CREB3L3: variants seen among roughly 807,000 people sequenced by gnomAD.
CREB3L3 encodes the protein cAMP responsive element binding protein 3 like 3.
In CREB3L3, 40 loss-of-function variants were observed where a neutral mutation model predicts 44.6. The observed-to-expected ratio is 0.90, with a 90% CI of 0.70 to 1.17. The LOEUF is 1.17. Among genes scored for constraint, CREB3L3 ranks in the 50% most tolerant of loss-of-function variants. The probability of loss-of-function intolerance (pLI) is 0.00; values close to 1 mark genes in which losing one functional copy is unlikely to be tolerated. For missense variants in CREB3L3, 578 were observed against 595.8 expected (o/e 0.97, Z 0.31); for synonymous variants, 273 against 256.3 (o/e 1.06, Z -0.62).
At chr19:4,170,640 T>C (rs2145144017) in intron 7 of CREB3L3, among the ~76,000 whole-genome samples, 1 of 150,510 alleles carries the variant, frequency 6.6e-6, no homozygotes, top group East Asian at 2.0e-4. Context: ...CCTGGTGTGG[T>C]GGCTCACGCC....
Position 4,168,381 on chromosome 19 carries a change from C to T in CREB3L3, c.745C>T (p.Arg249Trp), listed in dbSNP as rs763280337. 1.1e-5 allele frequency: 18 copies of T among 1,610,868 alleles called. No homozygotes were observed. The Admixed American group carries it at 1.2e-4, about 10-fold the overall frequency. ...GGAGCGAGTGCTGAAAAAAATCCGCCGGAAAATCCGGAACAAGCAGTCGGC... is the reference window on the plus strand; with the variant it reads ...GGAGCGAGTGCTGAAAAAAATCCGCTGGAAAATCCGGAACAAGCAGTCGGC... ...YEERVLKKIR[R>W]KIRNKQSAQE... is the part of the protein sequence containing the mutation. The change falls in exon 6 of 10, where the codon CGG (arginine) becomes TGG (tryptophan). Residue 249 changes from arginine (R) to tryptophan (W), a missense_variant. Transcript: ENST00000078445.
At chr19:4,162,269 G>T (rs1284694075) in intron 4 of CREB3L3, among the ~76,000 whole-genome samples, 1 of 151,992 alleles carries the variant, frequency 6.6e-6, no homozygotes, top group Non-Finnish European at 1.5e-5. Context: ...GCCTCCCAAA[G>T]TGCTGGGATT....
At position 4,172,332 on chromosome 19, in the gene CREB3L3, C is replaced by A. The variant is rs1270448639; in HGVS notation, c.*363C>A. 4.7e-6 allele frequency: 2 copies of A among 425,972 alleles called. No homozygotes were observed. The highest frequency in any genetic ancestry group is 4.9e-5 in the East Asian group (1 of 20,364). 26.4% of individuals were successfully genotyped at this position (425,972 alleles called of 1,614,324 possible). On this transcript the variant is annotated 3_prime_UTR_variant, in exon 10 of 10. Transcript: ENST00000078445. ...AGACCCAGACAAACAGACAGACAGA[C>A]ACAGCCTGAAACAGACCCAGACAGA...
At position 4,153,656 on chromosome 19, in the gene CREB3L3, T is replaced by A; in HGVS notation, c.-92T>A. 2.0e-6 allele frequency: 3 copies of A among 1,507,434 alleles called. No homozygotes were observed. The highest frequency in any genetic ancestry group is 2.8e-6 in the Non-Finnish European group (3 of 1,089,292). 93.4% of individuals were successfully genotyped at this position (1,507,434 alleles called of 1,614,324 possible). On this transcript the variant is annotated 5_prime_UTR_variant, in exon 1 of 10. In the 5' UTR this introduces an upstream ATG that the reference lacks. Coordinates refer to ENST00000078445, the MANE Select transcript of CREB3L3 (RefSeq NM_032607.3). ...GACAGAGCCACAGAGGGCTGTGAGC[T>A]TGCCCGGCCCCAGGTAACGCTGGCG...
chr19:4,166,997 G>C (rs1192972670), intron 5 of CREB3L3, among the ~76,000 whole-genome samples: 1 of 152,124 alleles, frequency 6.6e-6, no homozygotes, highest in African/African-American at 2.4e-5. Flanking sequence ...CTCCCAAAGT[G>C]CTGGGATTAC....
At chr19:4,163,813 T>C (rs1214836584) in intron 4 of CREB3L3, among the ~76,000 whole-genome samples, 4 of 149,236 alleles carry the variant, frequency 2.7e-5, no homozygotes, top group Non-Finnish European at 6.0e-5. Context: ...TTTTCTTTTT[T>C]TTTTTTTTTG....
intron 3 of CREB3L3, among the ~76,000 whole-genome samples, chr19:4,158,218 C>A (rs1028131569): frequency 6.6e-6 from 1 of 152,088 alleles, no homozygotes; most frequent in African/African-American, 2.4e-5. Context: ...GAGGCTCAGG[C>A]CCGGAGCGGT....
chr19:4,159,431 G>C (rs1427086681), intron 3 of CREB3L3, among the ~76,000 whole-genome samples: 2 of 110,570 alleles, frequency 1.8e-5, no homozygotes, highest in African/African-American at 6.4e-5. Context: ...GAATACAGGC[G>C]TGAGCCACCA....
intron 4 of CREB3L3, among the ~76,000 whole-genome samples, chr19:4,161,404 C>T (rs1015582100): frequency 1.2e-4 from 19 of 152,094 alleles, no homozygotes; most frequent in South Asian, 4.1e-4. Flanking sequence ...TGAGCTACTG[C>T]GCCCCGCCTG....
At chr19:4,163,062 C>T (rs1170151503) in intron 4 of CREB3L3, among the ~76,000 whole-genome samples, 1 of 152,060 alleles carries the variant, frequency 6.6e-6, no homozygotes, top group Non-Finnish European at 1.5e-5. Context: ...GATCCCAGCA[C>T]TTTGGGAGGC....
intron 2 of CREB3L3, 22 bp downstream of exon 2, chr19:4,155,049 C>G (rs759918459): frequency 6.2e-7 from 1 of 1,601,948 alleles, no homozygotes; most frequent in Non-Finnish European, 8.5e-7. Flanking sequence ...ACTGCAGTTG[C>G]CCCGGGACCA....
chr19:4,157,215 A>G lies in CREB3L3; in HGVS notation c.377A>G (p.Tyr126Cys), dbSNP rs1397189415. The G allele has an allele frequency of 6.2e-7, 1 of 1,613,804 alleles. No individual in the cohort carries two copies. Among genetic ancestry groups the G allele is most frequent in the Non-Finnish European group, 8.5e-7 (1 of 1,179,962 alleles). ...AQPGKGPCLS[Y>C]HPGNSCSTTT... ...CCTGGCAAGGGGCCCTGCCTCTCCTATCATCCTGGCAACTCTTGCTCCACC... is the reference window on the plus strand; with the variant it reads ...CCTGGCAAGGGGCCCTGCCTCTCCTGTCATCCTGGCAACTCTTGCTCCACC... The change falls in exon 3 of 10, where the codon TAT becomes TGT. Residue 126 changes from tyrosine to cysteine, a missense_variant. Coordinates refer to ENST00000078445, the MANE Select transcript of CREB3L3 (RefSeq NM_032607.3).
intron 5 of CREB3L3, among the ~76,000 whole-genome samples, chr19:4,167,831 T>C (rs995832131): frequency 6.6e-6 from 1 of 151,996 alleles, no homozygotes; most frequent in Non-Finnish European, 1.5e-5. Context: ...AATCTGCCTC[T>C]GGGTCCTTGG....
chr19:4,156,612 C>G (rs978605381), intron 2 of CREB3L3, among the ~76,000 whole-genome samples: 17 of 151,408 alleles, frequency 1.1e-4, no homozygotes, highest in African/African-American at 3.9e-4. Context: ...TCAGAATCTC[C>G]TTCCTCAGAC....
chr19:4,166,472 G>A (rs113335925), intron 5 of CREB3L3, among the ~76,000 whole-genome samples: 2 of 141,822 alleles, frequency 1.4e-5, no homozygotes, highest in African/African-American at 5.3e-5. Flanking sequence ...CACCATGTTG[G>A]CCAGGATGGT....
Position 4,157,210 on chromosome 19 carries a change from C to G in CREB3L3, c.372C>G (p.Leu124=), listed in dbSNP as rs375548944. Residue 124 remains leucine, a synonymous_variant, in exon 3 of 10, where the codon CTC becomes CTG. Transcript: ENST00000078445. The part of the protein sequence containing the change: ...HPAQPGKGPC[L]SYHPGNSCST... ...CCCAGCCTGGCAAGGGGCCCTGCCT[C>G]TCCTATCATCCTGGCAACTCTTGCT... 22 of 1,613,990 alleles carry G rather than the reference C, an allele frequency of 1.4e-5. No individual in the cohort carries two copies. The highest frequency in any genetic ancestry group is 1.9e-5 in the Non-Finnish European group (22 of 1,180,020).
At chr19:4,158,177 T>C (rs1568279108) in intron 3 of CREB3L3, among the ~76,000 whole-genome samples, 1 of 151,834 alleles carries the variant, frequency 6.6e-6, no homozygotes, top group Non-Finnish European at 1.5e-5. Flanking sequence ...CTATGAGCTC[T>C]TCTTGGTCCC....
intron 5 of CREB3L3, among the ~76,000 whole-genome samples, chr19:4,166,800 C>T (rs1796751705): frequency 6.6e-6 from 1 of 151,992 alleles, no homozygotes; most frequent in African/African-American, 2.4e-5. Flanking sequence ...CTAACTGCAA[C>T]CTTGAACTCC....
At chr19:4,154,274 G>A (rs2041544951) in intron 1 of CREB3L3, among the ~76,000 whole-genome samples, 1 of 152,016 alleles carries the variant, frequency 6.6e-6, no homozygotes, top group South Asian at 2.1e-4. Context: ...GTTTCACCAT[G>A]TTGGCTAGGC....
Sources: allele counts gnomAD v4.1 joint callset (sites outside exome capture counted in the v4.1 genomes callset), GRCh38; gene constraint gnomAD v4.1.1; transcripts MANE v1.5; gene names NCBI Gene and HGNC (gene_info 2026-07-23, HGNC 2026-07-21).